The following TOP3B variants were observed in gnomAD, a reference collection of about 807,000 sequenced individuals.
The protein encoded by TOP3B is DNA topoisomerase III beta.
Under a neutral mutation model 93.9 loss-of-function variants are expected in TOP3B, and 45 were observed. The ratio of observed to expected loss-of-function variants is 0.48; its 90% CI spans 0.38 to 0.61. The LOEUF (loss-of-function observed/expected upper bound fraction) is 0.61. Ranked by LOEUF, TOP3B falls within the 20% of genes least tolerant of loss-of-function variation. The pLI is 0.00. For synonymous variants in TOP3B, 357 were observed against 472.6 expected (o/e 0.76, Z 3.17); for missense variants, 750 against 1,156.1 (o/e 0.65, Z 5.09).
Position 21,974,643 on chromosome 22 carries a change from C to T in TOP3B, c.71-155G>A, listed in dbSNP as rs555606188. On this transcript the variant is annotated intron_variant, in intron 2 of 17. Coordinates refer to ENST00000357179, the MANE Select transcript of TOP3B (RefSeq NM_001282112.2). ...CCGCAGACTGGTGCGGGTAGTTGGG[C>T]ACTGAGAGGTGGGACGGCGCTCAGG... 4.9e-6 allele frequency: 4 copies of T among 808,992 alleles called. No homozygotes were observed. The South Asian group carries it at 7.3e-5, about 15-fold the overall frequency. The allele number at this position is 808,992 out of a possible 1,614,324, so 50.1% of individuals were successfully genotyped here. A position where few individuals can be genotyped will look rare whatever the true frequency, so the allele number is the denominator to read the frequency against.
At chr22:21,960,941 G>A (rs892821335) in intron 13 of TOP3B, 10 of 160,150 alleles carry the variant, frequency 6.2e-5, no homozygotes, top group South Asian at 1.8e-4. Flanking sequence ...TGCAAGGCCC[G>A]TCACGATCCC....
At position 21,964,011 on chromosome 22, in the gene TOP3B, T is replaced by C; in HGVS notation, c.1116A>G (p.Ala372=). Residue 372 remains alanine, a synonymous_variant, in exon 11 of 18, where the codon GCA becomes GCG. Transcript: ENST00000357179. ...YWADTVKRLL[A]EGINRPRKGH... ...CTTTCCGCGGGCGGTTGATACCTTC[T>C]GCTAACAACCGCTTCACCTGAGGGA... 6.2e-7 allele frequency: 1 copy of C among 1,609,622 alleles called. No homozygotes were observed. Among genetic ancestry groups the C allele is most frequent in the Non-Finnish European group, 8.5e-7 (1 of 1,177,968 alleles).
chr22:21,981,045 C>A (rs772091504), intron 1 of TOP3B, among the ~76,000 whole-genome samples: 12 of 152,128 alleles, frequency 7.9e-5, no homozygotes, highest in Non-Finnish European at 1.6e-4. Flanking sequence ...AAGCCAGAGG[C>A]CAAAAGGGAA....
intron 13 of TOP3B, chr22:21,961,261 ACTACCACC>A (rs2071168988): frequency 6.6e-6 from 1 of 152,284 alleles, no homozygotes. Flanking sequence ...GGCGTGTGCC[ACTACCACC>A]CCGAGTCTGC....
intron 2 of TOP3B, chr22:21,974,750 G>A (rs1271213374): frequency 2.1e-5 from 7 of 327,344 alleles, no homozygotes; most frequent in Non-Finnish European, 3.9e-5. Context: ...AGCAGGCAGG[G>A]GTGGGCTCTT....
intron 13 of TOP3B, chr22:21,960,724 A>T: frequency 2.2e-6 from 1 of 456,328 alleles, no homozygotes; most frequent in Non-Finnish European, 4.0e-6. Context: ...AGGTTAAGGA[A>T]CTCTCCAAGG....
chr22:21,967,561 C>T, intron 8 of TOP3B, 42 bp downstream of exon 8: 1 of 1,557,020 alleles, frequency 6.4e-7, no homozygotes, highest in Non-Finnish European at 8.9e-7. Flanking sequence ...GGGCCACCCT[C>T]ACCCAAGGCA....
In TOP3B at chr22:21,958,216, T is replaced by C. The variant is rs1211300501; in HGVS notation, c.2107+276A>G. 6.8e-6 allele frequency: 9 copies of C among 1,322,856 alleles called. No individual in the cohort carries two copies. The East Asian group carries it at 2.4e-4, about 36-fold the overall frequency. 81.9% of individuals were successfully genotyped at this position (1,322,856 alleles called of 1,614,324 possible). A position where few individuals can be genotyped will look rare whatever the true frequency, so the allele number is the denominator to read the frequency against. On this transcript the variant is annotated intron_variant, in intron 17 of 17. Transcript: ENST00000357179. The stretch of plus-strand genomic sequence containing the variant: ...TCCCCCGACTGCTGCATCCTCTTGC[T>C]CACTCAGCTCCAGAGGGAGCACTGC...
chr22:21,964,244 T>A lies in TOP3B; in HGVS notation c.1015A>T (p.Thr339Ser). Reference sequence around the variant, plus strand: ...TTCTCAGGGTAGTGGGTGGTCTCTGTCCGTGGGTAGCTGATGTAGCCTTGC... The same window carrying A: ...TTCTCAGGGTAGTGGGTGGTCTCTGACCGTGGGTAGCTGATGTAGCCTTGC... ...YTQGYISYPR[T>S]ETTHYPENFD... The change falls in exon 10 of 18, where the codon ACA (threonine) becomes TCA (serine). Residue 339 changes from threonine to serine, a missense_variant. Around this residue, in one of 4 missense-constraint regions of TOP3B, gnomAD observed 737 missense variants for 933.7 expected, o/e 0.79. Transcript: ENST00000357179. 1 of 1,614,142 alleles carries A rather than the reference T, an allele frequency of 6.2e-7. No homozygotes were observed. The highest frequency in any genetic ancestry group is 8.5e-7 in the Non-Finnish European group (1 of 1,180,020).
chr22:21,964,102 C>T, intron 10 of TOP3B, 59 bp downstream of exon 10: 1 of 1,610,228 alleles, frequency 6.2e-7, no homozygotes, highest in Non-Finnish European at 8.5e-7. Flanking sequence ...ACGTACCAGA[C>T]CTGGTCCCAA....
At chr22:21,981,069 G>A (rs1465459509) in intron 1 of TOP3B, among the ~76,000 whole-genome samples, 1 of 152,206 alleles carries the variant, frequency 6.6e-6, no homozygotes, top group African/African-American at 2.4e-5. Flanking sequence ...TCGCAGCAGA[G>A]GGGCATTGTT....
Position 21,964,305 on chromosome 22 carries a change from C to T in TOP3B, c.954G>A (p.Pro318=), listed in dbSNP as rs146300429. ...GCTCAGCCGTCTGCATGGCGTGCTG[C>T]GGCCCCATGCCTGCGAGAGACAGGA... is the stretch of plus-strand genomic sequence containing the variant. ...RVASSSLGMG[P]QHAMQTAERL... is the part of the protein sequence containing the mutation. The change falls in exon 10 of 18, where the codon CCG becomes CCA. Residue 318 remains proline (P), a synonymous_variant. Transcript: ENST00000357179. The T allele has an allele frequency of 1.3e-4, 204 of 1,613,562 alleles. No individual in the cohort carries two copies. The highest frequency in any genetic ancestry group is 5.0e-4 in the Middle Eastern group (3 of 5,994).
chr22:21,961,181 A>T (rs902922984), intron 13 of TOP3B: 2 of 152,340 alleles, frequency 1.3e-5, no homozygotes, highest in Non-Finnish European at 2.9e-5. Flanking sequence ...CTGGGGGCTA[A>T]GGAGCCTGCC....
At chr22:21,965,749 C>T (rs1289548062) in intron 8 of TOP3B, 1 of 156,566 alleles carries the variant, frequency 6.4e-6, no homozygotes, top group Non-Finnish European at 1.4e-5. Context: ...TGCCTGTAAT[C>T]CAAGCTACTC....
At position 21,964,226 on chromosome 22, in the gene TOP3B, G is replaced by A; in HGVS notation, c.1033C>T (p.Pro345Ser). 1 of 1,614,186 alleles carries A rather than the reference G, an allele frequency of 6.2e-7. No homozygotes were observed. The highest frequency in any genetic ancestry group is 8.5e-7 in the Non-Finnish European group (1 of 1,180,028). ...GAGCCCTTCAGGTCAAAGTTCTCAGGGTAGTGGGTGGTCTCTGTCCGTGGG... is the reference window on the plus strand; with the variant it reads ...GAGCCCTTCAGGTCAAAGTTCTCAGAGTAGTGGGTGGTCTCTGTCCGTGGG... ...SYPRTETTHY[P>S]ENFDLKGSLR... The change falls in exon 10 of 18, where the codon CCT becomes TCT. Residue 345 changes from proline (P) to serine (S), a missense_variant. Physicochemically the swap from Pro to Ser is moderately conservative, Grantham distance 74. Transcript: ENST00000357179.
intron 14 of TOP3B, chr22:21,960,047 C>T: frequency 1.6e-6 from 1 of 621,778 alleles, no homozygotes; most frequent in Non-Finnish European, 2.8e-6. Context: ...CCCTTGGCCC[C>T]TGGGGAACCT....
chr22:21,964,734 C>G (rs1168322786), intron 9 of TOP3B: 1 of 217,606 alleles, frequency 4.6e-6, no homozygotes, highest in Non-Finnish European at 9.2e-6. Context: ...TTGGGTGTTT[C>G]TGTCCTCACA....
intron 8 of TOP3B, chr22:21,967,238 T>C (rs996253930): frequency 4.7e-6 from 1 of 212,076 alleles, no homozygotes; most frequent in African/African-American, 2.3e-5. Flanking sequence ...AGTTCATCAG[T>C]GTGCACCAAG....
intron 13 of TOP3B, chr22:21,961,651 G>GTGCTGTCTCTT: frequency 6.5e-6 from 1 of 153,174 alleles, no homozygotes; most frequent in Non-Finnish European, 1.5e-5. Context: ...CCCAGCCTGG[G>GTGCTGTCTCTT]AAGAGACACT....
Sources: allele counts gnomAD v4.1 joint callset (sites outside exome capture counted in the v4.1 genomes callset), GRCh38; gene constraint gnomAD v4.1.1; regional missense constraint gnomAD v4.1.1; transcripts MANE v1.5; gene names NCBI Gene and HGNC (gene_info 2026-07-23, HGNC 2026-07-21).